Variants in EIF5B observed in about 807,000 individuals in gnomAD.
EIF5B encodes eIF-5B.
In EIF5B, 47 loss-of-function variants were observed where a neutral mutation model predicts 147.5. The observed-to-expected ratio is 0.32, with a 90% CI of 0.25 to 0.41. The LOEUF is 0.41. EIF5B is among the 10% of genes least tolerant of loss of function. EIF5B has a pLI of 1.00. For synonymous variants in EIF5B, 455 were observed against 456.2 expected (o/e 1.00, Z 0.03); for missense variants, 1,064 against 1,413.2 (o/e 0.75, Z 3.96).
chr2:99,375,710 T>G (rs1674550572), intron 9 of EIF5B, among the ~76,000 whole-genome samples: 1 of 152,222 alleles, frequency 6.6e-6, no homozygotes, highest in Non-Finnish European at 1.5e-5. Flanking sequence ...AAGGTTTTAC[T>G]GTTAAGTGAC....
chr2:99,394,687 T>C (rs1216310649), intron 20 of EIF5B, 32 bp from the exon 21 acceptor site: 1 of 1,609,424 alleles, frequency 6.2e-7, no homozygotes, highest in East Asian at 2.2e-5. Flanking sequence ...TGTTTTTCAC[T>C]GAATGGTCTT....
At chr2:99,346,589 C>CTTTTTT (rs773411395) in intron 1 of EIF5B, among the ~76,000 whole-genome samples, 14 of 61,674 alleles carry the variant, frequency 2.3e-4, no homozygotes, top group African/African-American at 6.2e-4. Flanking sequence ...AGTTGTATCT[C>CTTTTTT]TTTTTTTTTT....
At position 99,399,835 on chromosome 2, in the gene EIF5B, T is replaced by A; in HGVS notation, c.*421T>A. 1.3e-5 allele frequency: 2 copies of A among 156,140 alleles called. 1 individual carries two copies. Among genetic ancestry groups the A allele is most frequent in the East Asian group, 3.7e-4 (2 of 5,378 alleles). The allele number at this position is 156,140 out of a possible 1,614,324, so 9.7% of individuals were successfully genotyped here. A position where few individuals can be genotyped will look rare whatever the true frequency, so the allele number is the denominator to read the frequency against. ...TTTTTTGACGTAAGAAATACTTCTT[T>A]ATTTATGCATATTCTTCCCACAGTG... On this transcript the variant is annotated 3_prime_UTR_variant, in exon 24 of 24. Coordinates refer to ENST00000289371, the MANE Select transcript of EIF5B (RefSeq NM_015904.4).
At chr2:99,396,120 A>G (rs1364050233) in intron 21 of EIF5B, among the ~76,000 whole-genome samples, 1 of 152,138 alleles carries the variant, frequency 6.6e-6, no homozygotes, top group Non-Finnish European at 1.5e-5. Flanking sequence ...TTTGGGATAC[A>G]TTTTTAAGTG....
chr2:99,392,960 T>G lies in EIF5B; in HGVS notation c.2749-7T>G. ...ACATTTGGTAACAAATGTTTTTATC[T>G]CTGTAGAACCAGTATGAAAAGCATA... On this transcript the variant is annotated splice_polypyrimidine_tract_variant and splice_region_variant and intron_variant, in intron 17 of 23. Coordinates refer to ENST00000289371, the MANE Select transcript of EIF5B (RefSeq NM_015904.4). 6.9e-7 allele frequency: 1 copy of G among 1,451,192 alleles called. No homozygotes were observed. Among genetic ancestry groups the G allele is most frequent in the Non-Finnish European group, 9.1e-7 (1 of 1,095,398 alleles). 89.9% of individuals were successfully genotyped at this position (1,451,192 alleles called of 1,614,324 possible).
intron 12 of EIF5B, 32 bp downstream of exon 12, chr2:99,379,460 T>G: frequency 6.5e-7 from 1 of 1,529,502 alleles, no homozygotes; most frequent in East Asian, 2.3e-5. Flanking sequence ...TATTTTAATC[T>G]CTGACAAAAA....
Position 99,382,240 on chromosome 2 carries a change from G to T in EIF5B, c.2129+14G>T. On this transcript the variant is annotated intron_variant, in intron 13 of 23. Coordinates refer to ENST00000289371, the MANE Select transcript of EIF5B (RefSeq NM_015904.4). ...TGAATCTTTCAGGTAAGAGCAATTT[G>T]AGTCTTTTCTCATCAAGCAATCTAC... 6.2e-7 allele frequency: 1 copy of T among 1,610,176 alleles called. No individual in the cohort carries two copies. The highest frequency in any genetic ancestry group is 8.5e-7 in the Non-Finnish European group (1 of 1,177,250).
At chr2:99,389,149 T>A (rs61103312) in intron 14 of EIF5B, among the ~76,000 whole-genome samples, 66,365 of 151,940 alleles carry the variant, frequency 0.44, 14,776 homozygotes, top group Admixed American at 0.57. Context: ...CCCTAGACTC[T>A]GTCCCCAGAC....
chr2:99,368,353 G>T, intron 6 of EIF5B, 140 bp from the exon 7 acceptor site: 1 of 684,856 alleles, frequency 1.5e-6, no homozygotes. Context: ...ATATGTAAAA[G>T]ATACAAGTTT....
intron 18 of EIF5B, among the ~76,000 whole-genome samples, chr2:99,394,042 A>G (rs182592940): frequency 1.2e-4 from 18 of 152,318 alleles, no homozygotes; most frequent in Admixed American, 1.2e-3. Flanking sequence ...AACATATTTC[A>G]AAGTTAGTAA....
At chr2:99,399,274 C>CTGTT in intron 23 of EIF5B, 33 bp from the exon 24 acceptor site, 1 of 1,599,790 alleles carries the variant, frequency 6.3e-7, no homozygotes, top group Non-Finnish European at 8.6e-7. Context: ...TTGTTATGTT[C>CTGTT]TGTTTACCCT....
intron 1 of EIF5B, among the ~76,000 whole-genome samples, chr2:99,344,390 T>TG (rs1489014855): frequency 1.3e-5 from 2 of 151,774 alleles, no homozygotes; most frequent in Non-Finnish European, 2.9e-5. Flanking sequence ...TCTGTGTCAG[T>TG]GTTGCCACCA....
Position 99,363,879 on chromosome 2 carries a change from T to C in EIF5B, c.1137+17T>C. ...AAAGAAGAGGTATGTTTTCATGAAGTTGGTAACATTGATATTGTGTTTAAC... is the reference window on the plus strand; with the variant it reads ...AAAGAAGAGGTATGTTTTCATGAAGCTGGTAACATTGATATTGTGTTTAAC... On this transcript the variant is annotated intron_variant, in intron 5 of 23. Coordinates refer to ENST00000289371, the MANE Select transcript of EIF5B (RefSeq NM_015904.4). 1 of 1,593,430 alleles carries C rather than the reference T, an allele frequency of 6.3e-7. No individual in the cohort carries two copies. Among genetic ancestry groups the C allele is most frequent in the Non-Finnish European group, 8.5e-7 (1 of 1,172,184 alleles).
intron 10 of EIF5B, among the ~76,000 whole-genome samples, chr2:99,377,101 CAGT>C (rs1329472122): frequency 1.3e-5 from 2 of 152,008 alleles, no homozygotes; most frequent in African/African-American, 4.8e-5. Context: ...CTACTTAATG[CAGT>C]AGATTTCAGT....
intron 1 of EIF5B, among the ~76,000 whole-genome samples, chr2:99,352,989 ATTT>A (rs1229771225): frequency 8.4e-6 from 1 of 119,404 alleles, no homozygotes; most frequent in Non-Finnish European, 1.8e-5. Flanking sequence ...TGCCTGGCTA[ATTT>A]TTTCTTCTTC....
chr2:99,394,455 C>T, intron 19 of EIF5B, 54 bp from the exon 20 acceptor site: 3 of 1,613,144 alleles, frequency 1.9e-6, no homozygotes, highest in Non-Finnish European at 2.5e-6. Context: ...GTTTTTGGTG[C>T]CATCGCCATT....
intron 1 of EIF5B, 51 bp downstream of exon 1, chr2:99,337,640 T>C (rs748444641): frequency 1.3e-6 from 2 of 1,558,950 alleles, no homozygotes; most frequent in Non-Finnish European, 1.7e-6. Context: ...CTCAGTGGAG[T>C]GTGCGGGTCT....
intron 1 of EIF5B, among the ~76,000 whole-genome samples, chr2:99,341,986 GAAAATAGTTTTGACCCCCT>G (rs1298939423): frequency 2.0e-5 from 3 of 152,142 alleles, no homozygotes; most frequent in Admixed American, 2.0e-4. Flanking sequence ...GTATTATTTT[GAAAATAGTTTTGACCCCCT>G]AAAATAGTTT....
chr2:99,365,255 A>G (rs1056602109), intron 6 of EIF5B, among the ~76,000 whole-genome samples: 1 of 152,126 alleles, frequency 6.6e-6, no homozygotes, highest in African/African-American at 2.4e-5. Context: ...TTTTTCCCTC[A>G]TAAAAAAATC....
Sources: gnomAD v4.1 joint callset for allele counts (sites outside exome capture counted in the v4.1 genomes callset) on GRCh38, gnomAD v4.1.1 for gene constraint, MANE v1.5 for transcripts, NCBI Gene and HGNC (gene_info 2026-07-23, HGNC 2026-07-21) for gene names.